The following CSMD2 variants were observed in gnomAD, a reference collection of about 807,000 sequenced individuals.
CSMD2 encodes CUB and sushi domain-containing protein 2.
CSMD2 carries 130 observed loss-of-function variants against 398.5 expected under a neutral mutation model. The observed-to-expected ratio is 0.33, with a 90% CI of 0.28 to 0.38. The LOEUF is 0.38. Among genes scored for constraint, CSMD2 ranks in the 10% least tolerant of loss-of-function variants. CSMD2 has a pLI of 1.00. For missense variants in CSMD2, 3,829 were observed against 4,764.9 expected, an observed-to-expected ratio of 0.80 and a Z score of 5.78; for synonymous variants, 1,828 against 1,908.5, an observed-to-expected ratio of 0.96 and a Z score of 1.10.
intron 3 of CSMD2, among the ~76,000 whole-genome samples, chr1:34,021,840 G>C (rs1648932195): frequency 1.3e-5 from 2 of 152,232 alleles, no homozygotes; most frequent in African/African-American, 4.8e-5. Flanking sequence ...CTGAGGCTAA[G>C]GGGTGGTTAG....
chr1:33,538,820 G>A (rs1656049766), intron 60 of CSMD2, among the ~76,000 whole-genome samples: 1 of 152,196 alleles, frequency 6.6e-6, no homozygotes, highest in Non-Finnish European at 1.5e-5. Flanking sequence ...ATGAGGGTGT[G>A]CATCCAGAAA....
In CSMD2 at chr1:33,687,917, A is replaced by T. The variant is rs372401575; in HGVS notation, c.4052+5013T>A. ...ACAAAGAACCAGAAACAGCAAAGAC[A>T]ATTAAATATCCTATTGTCCATCTAA... On this transcript the variant is annotated intron_variant, in intron 25 of 70. Coordinates refer to ENST00000373381, the MANE Select transcript of CSMD2 (RefSeq NM_001281956.2). 2.8e-3 allele frequency among the ~76,000 whole-genome samples: 427 copies of T among 152,352 alleles called. 1 individual carries two copies. Among genetic ancestry groups the T allele is most frequent in the African/African-American group, 9.7e-3 (405 of 41,590 alleles).
intron 13 of CSMD2, among the ~76,000 whole-genome samples, chr1:33,768,427 A>T (rs1650807925): frequency 6.6e-6 from 1 of 152,198 alleles, no homozygotes; most frequent in Non-Finnish European, 1.5e-5. Flanking sequence ...CTAGGCCAAA[A>T]TATCAATAGT....
intron 1 of CSMD2, among the ~76,000 whole-genome samples, chr1:34,111,456 G>A (rs1025833809): frequency 2.6e-5 from 4 of 152,204 alleles, no homozygotes; most frequent in Admixed American, 2.0e-4. Flanking sequence ...TGAGGATCCA[G>A]CACAGGGCTG....
chr1:33,567,145 A>G (rs963671114), intron 53 of CSMD2, among the ~76,000 whole-genome samples: 4 of 152,050 alleles, frequency 2.6e-5, no homozygotes, highest in Admixed American at 6.5e-5. Flanking sequence ...TCTATTAAAA[A>G]TTTTCTATGT....
At chr1:34,090,871 A>G (rs1009004253) in intron 1 of CSMD2, among the ~76,000 whole-genome samples, 3 of 152,266 alleles carry the variant, frequency 2.0e-5, no homozygotes, top group African/African-American at 7.2e-5. Flanking sequence ...GGCTTTCCAC[A>G]TGGCCTGGCC....
chr1:34,139,996 T>C (rs553958797), intron 1 of CSMD2, among the ~76,000 whole-genome samples: 3 of 152,268 alleles, frequency 2.0e-5, no homozygotes, highest in African/African-American at 7.2e-5. Flanking sequence ...ACTAATGGCC[T>C]ACTATTTGCC....
At chr1:33,811,528 C>T (rs1429523237) in intron 9 of CSMD2, among the ~76,000 whole-genome samples, 18 of 152,182 alleles carry the variant, frequency 1.2e-4, no homozygotes, top group Non-Finnish European at 4.4e-5. Context: ...AGAGTGATTT[C>T]ACTGCTTCCC....
At chr1:33,940,140 AT>A (rs1400850622) in intron 3 of CSMD2, among the ~76,000 whole-genome samples, 1 of 151,950 alleles carries the variant, frequency 6.6e-6, no homozygotes, top group African/African-American at 2.4e-5. Flanking sequence ...TTTGCTGGCA[AT>A]TTTTGTTGTT....
chr1:33,782,649 GGAGGGTAC>G (rs1652931836), intron 12 of CSMD2, among the ~76,000 whole-genome samples: 1 of 152,168 alleles, frequency 6.6e-6, no homozygotes, highest in African/African-American at 2.4e-5. Flanking sequence ...AGGGTGCTGA[GGAGGGTAC>G]CTGATTATGA....
At chr1:33,722,992 A>T (rs1265709633) in intron 19 of CSMD2, among the ~76,000 whole-genome samples, 1 of 152,026 alleles carries the variant, frequency 6.6e-6, no homozygotes, top group East Asian at 1.9e-4. Flanking sequence ...TCTTCAATGG[A>T]TCTGAAATGA....
intron 13 of CSMD2, among the ~76,000 whole-genome samples, chr1:33,743,974 A>G (rs1647177314): frequency 6.6e-6 from 1 of 152,202 alleles, no homozygotes; most frequent in South Asian, 2.1e-4. Flanking sequence ...GATATCTGTA[A>G]TAGTGTCCAC....
At chr1:33,723,721 G>A (rs1646433355) in intron 19 of CSMD2, among the ~76,000 whole-genome samples, 1 of 152,146 alleles carries the variant, frequency 6.6e-6, no homozygotes, top group Admixed American at 6.5e-5. Flanking sequence ...AGAGGGAGCA[G>A]GTGTATCTGA....
At chr1:33,611,016 C>T (rs1640964048) in intron 41 of CSMD2, 25 bp downstream of exon 41, 11 of 1,605,946 alleles carry the variant, frequency 6.8e-6, no homozygotes, top group Non-Finnish European at 9.4e-6. Context: ...GACAGAGAAG[C>T]AAAGGCGGTG....
intron 5 of CSMD2, among the ~76,000 whole-genome samples, chr1:33,855,315 T>C (rs1319252919): frequency 6.6e-6 from 1 of 152,132 alleles, no homozygotes; most frequent in African/African-American, 2.4e-5. Flanking sequence ...CTGGTGGTCA[T>C]GTGTCCCAAG....
At chr1:33,657,471 C>T (rs1643983105) in intron 27 of CSMD2, among the ~76,000 whole-genome samples, 1 of 152,176 alleles carries the variant, frequency 6.6e-6, no homozygotes, top group African/African-American at 2.4e-5. Flanking sequence ...GAGACTCTAT[C>T]TCTAAAACCT....
At chr1:33,799,912 T>C (rs537210329) in intron 10 of CSMD2, among the ~76,000 whole-genome samples, 164 of 152,330 alleles carry the variant, frequency 1.1e-3, no homozygotes, top group African/African-American at 3.7e-3. Flanking sequence ...TACGACCTAA[T>C]GGCTACAGGT....
At chr1:33,796,045 C>T (rs1449978607) in intron 10 of CSMD2, among the ~76,000 whole-genome samples, 1 of 152,206 alleles carries the variant, frequency 6.6e-6, no homozygotes, top group Admixed American at 6.5e-5. Context: ...TGAACATAGC[C>T]ATACACAATG....
At chr1:33,935,055 A>G (rs1324828851) in intron 4 of CSMD2, among the ~76,000 whole-genome samples, 1 of 151,506 alleles carries the variant, frequency 6.6e-6, no homozygotes, top group Non-Finnish European at 1.5e-5. Context: ...AATGAAAGAA[A>G]AAAGAAAGGA....
Sources: gnomAD v4.1 joint callset for allele counts (sites outside exome capture counted in the v4.1 genomes callset) on GRCh38, gnomAD v4.1.1 for gene constraint, MANE v1.5 for transcripts, NCBI Gene and HGNC (gene_info 2026-07-23, HGNC 2026-07-21) for gene names.